The following ZNF585A variants were observed in gnomAD, a reference collection of about 807,000 sequenced individuals.
ZNF585A encodes the protein zinc finger protein 585A.
ZNF585A carries 9 observed loss-of-function variants against 14.9 expected under a neutral mutation model. The observed-to-expected ratio is 0.60, with a 90% CI of 0.36 to 1.05. The LOEUF (loss-of-function observed/expected upper bound fraction) is 1.05, where lower values mean the gene tolerates loss of function less well. Among genes scored for constraint, ZNF585A ranks in the 50% least tolerant of loss-of-function variants. The pLI is 0.01. For synonymous variants in ZNF585A, 276 were observed against 319.9 expected (o/e 0.86, Z 1.46); for missense variants, 726 against 926.4 (o/e 0.78, Z 2.81).
intron 2 of ZNF585A, among the ~76,000 whole-genome samples, chr19:37,157,809 A>G (rs1971953457): frequency 6.6e-6 from 1 of 151,986 alleles, no homozygotes; most frequent in South Asian, 2.1e-4. Context: ...AATGGTAATT[A>G]AGGTAATCAG....
At chr19:37,167,592 T>TATTGTATTG (rs1262739054) in intron 2 of ZNF585A, among the ~76,000 whole-genome samples, 1 of 124,002 alleles carries the variant, frequency 8.1e-6, no homozygotes, top group African/African-American at 3.9e-5. Flanking sequence ...CTTTTTATTT[T>TATTGTATTG]TATTTTATTT....
chr19:37,165,609 C>A (rs1432412519), intron 2 of ZNF585A: 2 of 982,738 alleles, frequency 2.0e-6, no homozygotes, highest in Admixed American at 1.2e-4. Flanking sequence ...CTATTGTTTT[C>A]TTCTACTCTT....
Position 37,152,778 on chromosome 19 carries a change from C to A in ZNF585A, c.1121G>T (p.Arg374Ile), listed in dbSNP as rs771852009. The A allele has an allele frequency of 3.7e-6, 6 of 1,614,032 alleles. No homozygotes were observed. The highest frequency in any genetic ancestry group is 5.1e-6 in the Non-Finnish European group (6 of 1,180,024). The change falls in exon 5 of 5, where the codon AGA becomes ATA. Residue 374 changes from arginine to isoleucine, a missense_variant. This residue lies in a region of ZNF585A where 483 missense variants were observed against 542.8 expected (regional missense o/e 0.89). Coordinates refer to ENST00000292841, the MANE Select transcript of ZNF585A (RefSeq NM_001288800.2). ...ATAAGGTTTCTCTCCAGTGTGAATT[C>A]TCTGATGAATAATCAACTCTGACCT... ...TYRSELIIHQ[R>I]IHTGEKPYEC...
In ZNF585A at chr19:37,151,415, A is replaced by C. The variant is rs987582427; in HGVS notation, c.*174T>G. ...TTACTGGGGATGGTGACAATGTAGGAAGGGTCCCTCGCCTCATTCAGTGCC... is the reference window on the plus strand; with the variant it reads ...TTACTGGGGATGGTGACAATGTAGGCAGGGTCCCTCGCCTCATTCAGTGCC... On this transcript the variant is annotated 3_prime_UTR_variant, in exon 5 of 5. Transcript: ENST00000292841. The C allele has an allele frequency of 5.3e-6, 3 of 565,298 alleles. No individual in the cohort carries two copies. Among genetic ancestry groups the C allele is most frequent in the African/African-American group, 1.9e-5 (1 of 53,112 alleles). 35.0% of individuals were successfully genotyped at this position (565,298 alleles called of 1,614,324 possible).
intron 3 of ZNF585A, 91 bp downstream of exon 3, chr19:37,156,138 A>G (rs902084510): frequency 1.9e-6 from 3 of 1,569,582 alleles, no homozygotes; most frequent in Non-Finnish European, 1.7e-6. Flanking sequence ...CAAAATCATC[A>G]CCTATTTAAG....
chr19:37,145,877 TTAA>T lies in ZNF585A; in HGVS notation c.*5709_*5711del, dbSNP rs1409455773. On this transcript the variant is annotated 3_prime_UTR_variant, in exon 5 of 5. Coordinates refer to ENST00000292841, the MANE Select transcript of ZNF585A (RefSeq NM_001288800.2). Reference sequence around the variant, plus strand: ...TTGATATGTTGTTATTTATGATATCTTAATAATTTAGAGGCATATAATAATGAC... The same window carrying T: ...TTGATATGTTGTTATTTATGATATCTTAATTTAGAGGCATATAATAATGAC... 2 of 152,212 alleles carry T rather than the reference TTAA, an allele frequency of 1.3e-5. No individual in the cohort carries two copies. Among genetic ancestry groups the T allele is most frequent in the Non-Finnish European group, 2.9e-5 (2 of 68,046 alleles). The allele number at this position is 152,212 out of a possible 1,614,324, so 9.4% of individuals were successfully genotyped here.
rs772806959 is a variant in ZNF585A, at chr19:37,152,788, T to A, written c.1111A>T (p.Ile371Phe). Residue 371 changes from isoleucine to phenylalanine, a missense_variant, in exon 5 of 5, where the codon ATT becomes TTT. This residue lies in a region of ZNF585A where 483 missense variants were observed against 542.8 expected (regional missense o/e 0.89). Coordinates refer to ENST00000292841, the MANE Select transcript of ZNF585A (RefSeq NM_001288800.2). ...TCTCCAGTGTGAATTCTCTGATGAA[T>A]AATCAACTCTGACCTGTAGGTAAAG... ...KAFTYRSELI[I>F]HQRIHTGEKP... 1.2e-6 allele frequency: 2 copies of A among 1,614,196 alleles called. No homozygotes were observed. Among genetic ancestry groups the A allele is most frequent in the South Asian group, 2.2e-5 (2 of 91,068 alleles).
intron 2 of ZNF585A, among the ~76,000 whole-genome samples, chr19:37,161,734 T>C (rs1444511377): frequency 2.0e-5 from 3 of 152,166 alleles, no homozygotes; most frequent in Admixed American, 6.6e-5. Flanking sequence ...ACTTAATGAA[T>C]ATTGAATACA....
At position 37,155,964 on chromosome 19, in the gene ZNF585A, A is replaced by G. The variant is rs1236883666; in HGVS notation, c.200-7T>C. 2 of 1,613,710 alleles carry G rather than the reference A, an allele frequency of 1.2e-6. No homozygotes were observed. The highest frequency in any genetic ancestry group is 8.5e-7 in the Non-Finnish European group (1 of 1,180,008). On this transcript the variant is annotated splice_region_variant and splice_polypyrimidine_tract_variant and intron_variant, in intron 3 of 4. Transcript: ENST00000292841. ...GCTTCAGGAACTTGATATCCTGTTC[A>G]TGGGAAATGATAAAGGTCTGGGTCC...
rs2145419029 is a variant in ZNF585A at position 37,170,011 on chromosome 19, A to G, written c.-101T>C. On this transcript the variant is annotated 5_prime_UTR_variant, in exon 2 of 5. Coordinates refer to ENST00000292841, the MANE Select transcript of ZNF585A (RefSeq NM_001288800.2). Reference sequence around the variant, plus strand: ...GCTCTGAAGAGATGGGCTGGAGTCTAGAGGAAAATCTGGCCCAGGGGCTCC... The same window carrying G: ...GCTCTGAAGAGATGGGCTGGAGTCTGGAGGAAAATCTGGCCCAGGGGCTCC... 1.4e-6 allele frequency: 2 copies of G among 1,455,770 alleles called. No homozygotes were observed. The highest frequency in any genetic ancestry group is 1.9e-6 in the Non-Finnish European group (2 of 1,079,436). 90.2% of individuals were successfully genotyped at this position (1,455,770 alleles called of 1,614,324 possible). A position where few individuals can be genotyped will look rare whatever the true frequency, so the allele number is the denominator to read the frequency against.
At position 37,151,755 on chromosome 19, in the gene ZNF585A, T is replaced by C. The variant is rs760079770; in HGVS notation, c.2144A>G (p.Glu715Gly). ...ACACTCAGCACACACGTAAGGCTTC[T>C]CTCCAGTGTGAATTCGCTGATGCAC... is the stretch of plus-strand genomic sequence containing the variant. ...LQVHQRIHTG[E>G]KPYVCAECGK... is the part of the protein sequence containing the mutation. The change falls in exon 5 of 5, where the codon GAG becomes GGG. Residue 715 changes from glutamate (E) to glycine (G), a missense_variant. By Grantham distance (98) the Glu-to-Gly change is moderately conservative. This residue lies in a region of ZNF585A where 243 missense variants were observed against 383.6 expected (regional missense o/e 0.63). Coordinates refer to ENST00000292841, the MANE Select transcript of ZNF585A (RefSeq NM_001288800.2). The C allele has an allele frequency of 2.5e-6, 4 of 1,613,988 alleles. No individual in the cohort carries two copies. Among genetic ancestry groups the C allele is most frequent in the Non-Finnish European group, 2.5e-6 (3 of 1,180,034 alleles).
chr19:37,161,281 C>T (rs556037484), intron 2 of ZNF585A, among the ~76,000 whole-genome samples: 4 of 152,028 alleles, frequency 2.6e-5, no homozygotes, highest in Admixed American at 6.5e-5. Context: ...AAAAGAATCA[C>T]GTACCACAAT....
At chr19:37,158,036 C>G (rs886577856) in intron 2 of ZNF585A, among the ~76,000 whole-genome samples, 1 of 151,796 alleles carries the variant, frequency 6.6e-6, no homozygotes, top group Non-Finnish European at 1.5e-5. Context: ...TACAGGCGCA[C>G]GCCACCACAC....
chr19:37,154,082 G>A (rs1364334488), intron 4 of ZNF585A, among the ~76,000 whole-genome samples: 2 of 152,206 alleles, frequency 1.3e-5, no homozygotes, highest in African/African-American at 2.4e-5. Context: ...GCAGAGGCTA[G>A]GGGGTATGGT....
At chr19:37,153,923 C>A (rs1490390175) in intron 4 of ZNF585A, among the ~76,000 whole-genome samples, 1 of 152,148 alleles carries the variant, frequency 6.6e-6, no homozygotes, top group Admixed American at 6.5e-5. Flanking sequence ...CACAATTATT[C>A]TAGAATAAAA....
intron 2 of ZNF585A, among the ~76,000 whole-genome samples, chr19:37,159,333 T>C (rs1971980092): frequency 6.6e-6 from 1 of 151,672 alleles, no homozygotes; most frequent in South Asian, 2.1e-4. Flanking sequence ...ATCTTTATAC[T>C]ATTATCTTTA....
Position 37,172,111 on chromosome 19 carries a change from T to C in ZNF585A, c.-145+516A>G, listed in dbSNP as rs115365789. ...ATAACAATACAATTAGAGAACATAG[T>C]ACACTGTTTCTATGTAATAGATGTG... On this transcript the variant is annotated intron_variant, in intron 1 of 4. Transcript: ENST00000292841. Among the ~76,000 whole-genome samples, 715 of 152,272 alleles carry C rather than the reference T, an allele frequency of 4.7e-3. 5 individuals are homozygous for C. The highest frequency in any genetic ancestry group is 0.016 in the African/African-American group (668 of 41,534).
intron 1 of ZNF585A, among the ~76,000 whole-genome samples, chr19:37,170,608 C>CAAGT (rs1972167809): frequency 6.6e-6 from 1 of 152,166 alleles, no homozygotes; most frequent in South Asian, 2.1e-4. Context: ...CTCAGCCTCC[C>CAAGT]AAGTAGCTGG....
chr19:37,162,174 T>C (rs900844606), intron 2 of ZNF585A, among the ~76,000 whole-genome samples: 2 of 152,256 alleles, frequency 1.3e-5, no homozygotes, highest in African/African-American at 4.8e-5. Context: ...TCTGCCCATC[T>C]GGGCCTCCCA....
Sources: gnomAD v4.1 joint callset for allele counts (sites outside exome capture counted in the v4.1 genomes callset) on GRCh38, gnomAD v4.1.1 for gene constraint, gnomAD v4.1.1 regional missense constraint, MANE v1.5 for transcripts, NCBI Gene and HGNC (gene_info 2026-07-23, HGNC 2026-07-21) for gene names.